The following ASAP3 variants were observed in gnomAD, a reference collection of about 807,000 sequenced individuals.
ASAP3 encodes ArfGAP with SH3 domain, ankyrin repeat and PH domain 3.
A neutral mutation model predicts 118.2 loss-of-function variants in ASAP3; 85 were observed. The observed-to-expected ratio is 0.72, with a 90% CI of 0.60 to 0.86. The LOEUF is 0.86. Ranked by LOEUF, ASAP3 falls within the 40% of genes least tolerant of loss-of-function variation. ASAP3 has a pLI of 0.00. For missense variants in ASAP3, 1,026 were observed against 1,175.0 expected (o/e 0.87, Z 1.85); for synonymous variants, 432 against 477.4 (o/e 0.90, Z 1.24).
In ASAP3 at chr1:23,441,722, T is replaced by C. The variant is rs1640881070; in HGVS notation, c.680A>G (p.Gln227Arg). ...KFFHAQHNFF[Q>R]DGWKAAQSLF... ...GCTCTGGGCAGCCTTCCAGCCATCT[T>C]GGAAAAAGCTAAGAGGTGTCAGAGG... The change falls in exon 8 of 25, where the codon CAA (glutamine) becomes CGA (arginine). Residue 227 changes from glutamine (Q) to arginine (R), a missense_variant. By Grantham distance (43) the Gln-to-Arg change is conservative. Transcript: ENST00000336689. 6.2e-7 allele frequency: 1 copy of C among 1,614,050 alleles called. No homozygotes were observed. Among genetic ancestry groups the C allele is most frequent in the Admixed American group, 1.7e-5 (1 of 60,002 alleles).
chr1:23,445,388 G>C (rs962935014), intron 5 of ASAP3, among the ~76,000 whole-genome samples: 3 of 152,048 alleles, frequency 2.0e-5, no homozygotes, highest in African/African-American at 7.2e-5. Flanking sequence ...CTACTCAAAA[G>C]GTTGAGGTAG....
rs557986450 is a variant in ASAP3, at chr1:23,441,856, A to G, written c.672-126T>C. 2.1e-5 allele frequency: 20 copies of G among 953,526 alleles called. No homozygotes were observed. In the East Asian group the frequency reaches 4.9e-4, roughly 23 times the overall value. 59.1% of individuals were successfully genotyped at this position (953,526 alleles called of 1,614,324 possible). On this transcript the variant is annotated intron_variant, in intron 7 of 24. Transcript: ENST00000336689. ...TCAGGGAATTGTAGTCTGACGGTCA[A>G]GAACAGACACTCCATAGACAAGAGT...
chr1:23,433,513 C>T lies in ASAP3; in HGVS notation c.2039G>A (p.Gly680Glu). The change falls in exon 21 of 25, where the codon GGG becomes GAG. Residue 680 changes from glycine (G) to glutamate (E), a missense_variant. By Grantham distance (98) the Gly-to-Glu change is moderately conservative. Coordinates refer to ENST00000336689, the MANE Select transcript of ASAP3 (RefSeq NM_017707.4). Reference sequence around the variant, plus strand: ...CACATGTAGAGGGAAGGCAAAGGTCCCCGCCTGGGCCTGCTCCAGCTGCCA... The same window carrying T: ...CACATGTAGAGGGAAGGCAAAGGTCTCCGCCTGGGCCTGCTCCAGCTGCCA... The part of the protein sequence containing the change: ...CEELLEQAQA[G>E]TFAFPLHVDY... 2 of 1,614,100 alleles carry T rather than the reference C, an allele frequency of 1.2e-6. No individual in the cohort carries two copies. The highest frequency in any genetic ancestry group is 1.7e-6 in the Non-Finnish European group (2 of 1,180,030).
chr1:23,435,579 G>A (rs889449531), intron 17 of ASAP3: 22 of 525,074 alleles, frequency 4.2e-5, no homozygotes, highest in Non-Finnish European at 5.9e-5. Flanking sequence ...CTTCATCACC[G>A]TGGGTGCTAT....
At chr1:23,448,500 C>G (rs1641115209) in intron 5 of ASAP3, among the ~76,000 whole-genome samples, 2 of 152,014 alleles carry the variant, frequency 1.3e-5, no homozygotes, top group African/African-American at 4.8e-5. Context: ...CTCTGTCTCC[C>G]AAGCTGGTCT....
At chr1:23,472,688 C>T (rs184872951) in intron 1 of ASAP3, among the ~76,000 whole-genome samples, 3 of 152,294 alleles carry the variant, frequency 2.0e-5, no homozygotes, top group South Asian at 4.1e-4. Flanking sequence ...AATTACTTTC[C>T]TCTTTTCTCT....
chr1:23,464,065 C>T (rs1490556224), intron 1 of ASAP3, among the ~76,000 whole-genome samples: 1 of 151,788 alleles, frequency 6.6e-6, no homozygotes, highest in Non-Finnish European at 1.5e-5. Context: ...CCAGGTGTGG[C>T]GGCTCCCTCC....
Position 23,437,116 on chromosome 1 carries a change from C to T in ASAP3, c.1342+14G>A, listed in dbSNP as rs1322183493. Reference sequence around the variant, plus strand: ...CACTTAAGCCTCCCTCCTGCCCCGGCCCCGGGGACCGACCTGCAGCCCCGC... The same window carrying T: ...CACTTAAGCCTCCCTCCTGCCCCGGTCCCGGGGACCGACCTGCAGCCCCGC... On this transcript the variant is annotated intron_variant, in intron 14 of 24. Transcript: ENST00000336689. This position sits in a 1 kb window ranked among gnomAD's most constrained non-coding sequence, Gnocchi z 6.1. The T allele has an allele frequency of 6.2e-7, 1 of 1,600,962 alleles. No homozygotes were observed. The highest frequency in any genetic ancestry group is 8.5e-7 in the Non-Finnish European group (1 of 1,173,284).
intron 5 of ASAP3, 173 bp from the exon 6 acceptor site, chr1:23,442,785 G>C: frequency 1.9e-6 from 2 of 1,025,948 alleles, no homozygotes; most frequent in Non-Finnish European, 2.7e-6. Flanking sequence ...AGAGTGGTGG[G>C]GGAGAAAGAC....
In ASAP3 at chr1:23,456,107, A is replaced by G. The variant is rs1175210878; in HGVS notation, c.202+15T>C. 6.2e-7 allele frequency: 1 copy of G among 1,613,998 alleles called. No homozygotes were observed. Among genetic ancestry groups the G allele is most frequent in the Non-Finnish European group, 8.5e-7 (1 of 1,180,008 alleles). ...GGCTTCCTGACCAGGCGGGGCACCCAGGAGGCTCACTTACCAAGGCCGGAG... is the reference window on the plus strand; with the variant it reads ...GGCTTCCTGACCAGGCGGGGCACCCGGGAGGCTCACTTACCAAGGCCGGAG... On this transcript the variant is annotated intron_variant, in intron 2 of 24. Transcript: ENST00000336689.
At chr1:23,448,614 T>G (rs1339503432) in intron 5 of ASAP3, among the ~76,000 whole-genome samples, 1 of 151,372 alleles carries the variant, frequency 6.6e-6, no homozygotes, top group African/African-American at 2.4e-5. Flanking sequence ...GTATTATATT[T>G]ATTATATATG....
chr1:23,434,491 G>A (rs776495002), intron 18 of ASAP3, 42 bp downstream of exon 18: 26 of 1,607,014 alleles, frequency 1.6e-5, no homozygotes, highest in Middle Eastern at 3.3e-4. Flanking sequence ...GGAAAGGAGA[G>A]GGAGTGTGAG....
intron 5 of ASAP3, among the ~76,000 whole-genome samples, 160 bp downstream of exon 5, chr1:23,451,319 A>G (rs905331137): frequency 3.3e-5 from 5 of 152,088 alleles, no homozygotes; most frequent in African/African-American, 7.2e-5. Flanking sequence ...CAGTCCCCAG[A>G]ATCCAGTCAG....
rs1418008922 is a variant in ASAP3, at chr1:23,436,519, T to C, written c.1571+41A>G. ...GACCCTGGACACTGCGGAGGCAGAA[T>C]CCCCTAGGCAGGGTGCCCCTCTCTC... On this transcript the variant is annotated intron_variant, in intron 16 of 24. Transcript: ENST00000336689. This position sits in a 1 kb window ranked among gnomAD's most constrained non-coding sequence, Gnocchi z 4.2. 2 of 1,603,612 alleles carry C rather than the reference T, an allele frequency of 1.2e-6. No individual in the cohort carries two copies. Among genetic ancestry groups the C allele is most frequent in the Admixed American group, 1.7e-5 (1 of 60,000 alleles).
intron 1 of ASAP3, among the ~76,000 whole-genome samples, chr1:23,466,285 GA>G (rs1641767984): frequency 6.6e-6 from 1 of 152,226 alleles, no homozygotes; most frequent in East Asian, 1.9e-4. Flanking sequence ...TCAGACACTG[GA>G]TTTTGGATTA....
At chr1:23,434,130 G>T in intron 19 of ASAP3, 124 bp downstream of exon 19, 1 of 897,596 alleles carries the variant, frequency 1.1e-6, no homozygotes. Flanking sequence ...AGAGCTGAAT[G>T]ACAAACCCCT....
chr1:23,468,556 T>C (rs1641849670), intron 1 of ASAP3, among the ~76,000 whole-genome samples: 1 of 152,140 alleles, frequency 6.6e-6, no homozygotes, highest in South Asian at 2.1e-4. Flanking sequence ...TTATATGTAC[T>C]ACATATTAAA....
At chr1:23,434,664 G>A in intron 17 of ASAP3, 46 bp from the exon 18 acceptor site, 1 of 1,568,452 alleles carries the variant, frequency 6.4e-7, no homozygotes. Context: ...CAGTGCACCT[G>A]CCTCCAACCC....
At chr1:23,460,484 G>A in intron 1 of ASAP3, among the ~76,000 whole-genome samples, 1 of 146,422 alleles carries the variant, frequency 6.8e-6, no homozygotes, top group Admixed American at 6.9e-5. Context: ...TCCAGCCCAG[G>A]TGACAGAGTG....
Sources: gnomAD v4.1 joint callset for allele counts (sites outside exome capture counted in the v4.1 genomes callset) on GRCh38, gnomAD v4.1.1 for gene constraint, Gnocchi (gnomAD v3.1) non-coding constraint, MANE v1.5 for transcripts, NCBI Gene and HGNC (gene_info 2026-07-23, HGNC 2026-07-21) for gene names.